TRABD2B: variants seen among roughly 807,000 people sequenced by gnomAD.
TRABD2B encodes metalloprotease TIKI2.
Under a neutral mutation model 40.1 loss-of-function variants are expected in TRABD2B, and 14 were observed. The ratio of observed to expected loss-of-function variants is 0.35; its 90% CI spans 0.23 to 0.55. The LOEUF (loss-of-function observed/expected upper bound fraction) is 0.55, where lower values mean the gene tolerates loss of function less well. Among genes scored for constraint, TRABD2B ranks in the 20% least tolerant of loss-of-function variants. The pLI, the probability that TRABD2B is intolerant of heterozygous loss-of-function variation, is 0.90. For missense variants in TRABD2B, 541 were observed against 648.6 expected (o/e 0.83, Z 1.80); for synonymous variants, 263 against 277.0 (o/e 0.95, Z 0.50).
At chr1:47,990,769 TTTTATATATATATATATATA>T (rs1361649642) in intron 2 of TRABD2B, among the ~76,000 whole-genome samples, 733 of 64,268 alleles carry the variant, frequency 0.011, 83 homozygotes, top group African/African-American at 0.018. Context: ...AAAACGTTGG[TTTTATATATATATATATATA>T]TATATATATA....
At chr1:47,931,461 A>G (rs1199753000) in intron 2 of TRABD2B, among the ~76,000 whole-genome samples, 1 of 151,990 alleles carries the variant, frequency 6.6e-6, no homozygotes, top group Admixed American at 6.5e-5. Flanking sequence ...TTCTGCAACT[A>G]CTTTGACTGA....
At position 47,876,802 on chromosome 1, in the gene TRABD2B, C is replaced by T. The variant is rs954473450; in HGVS notation, c.667-75183G>A. On this transcript the variant is annotated intron_variant, in intron 2 of 6. Coordinates refer to ENST00000606738, the MANE Select transcript of TRABD2B (RefSeq NM_001194986.2). ...TGTCTCTGTTTACTCTTTATATACGCACATACTAAGCACCAACTGTTTGCC... is the reference window on the plus strand; with the variant it reads ...TGTCTCTGTTTACTCTTTATATACGTACATACTAAGCACCAACTGTTTGCC... 5.9e-5 allele frequency among the ~76,000 whole-genome samples: 9 copies of T among 152,322 alleles called. No homozygotes were observed. In the South Asian group the frequency reaches 6.2e-4, roughly 11 times the overall value.
At chr1:47,834,577 G>A (rs111873883) in intron 2 of TRABD2B, among the ~76,000 whole-genome samples, 4,820 of 142,426 alleles carry the variant, frequency 0.034, 277 homozygotes, top group African/African-American at 0.11. Context: ...ACACACACAC[G>A]CGCACACACA....
chr1:47,882,349 CCT>C (rs745871295), intron 2 of TRABD2B, among the ~76,000 whole-genome samples: 20 of 152,214 alleles, frequency 1.3e-4, no homozygotes, highest in South Asian at 2.1e-4. Context: ...GGATCTGCCC[CCT>C]GAGTCTGATT....
At chr1:47,843,712 C>A (rs1645430320) in intron 2 of TRABD2B, among the ~76,000 whole-genome samples, 1 of 152,118 alleles carries the variant, frequency 6.6e-6, no homozygotes, top group African/African-American at 2.4e-5. Flanking sequence ...GCCAGGCAAG[C>A]AGTGAAGACA....
chr1:47,781,444 G>A (rs561318947), intron 4 of TRABD2B, among the ~76,000 whole-genome samples: 187 of 152,258 alleles, frequency 1.2e-3, no homozygotes, highest in African/African-American at 4.0e-3. Context: ...GCCTCAGCCC[G>A]GCCGATGGTG....
chr1:47,972,083 T>C (rs577178808), intron 2 of TRABD2B, among the ~76,000 whole-genome samples: 2 of 152,194 alleles, frequency 1.3e-5, no homozygotes, highest in African/African-American at 4.8e-5. Flanking sequence ...GCAAAAATAA[T>C]GCTAATTAAG....
chr1:47,775,157 C>T lies in TRABD2B; in HGVS notation c.1349+13G>A, dbSNP rs1557556451. ...CGCCCAGCTCCTGGGCAGACCTGCCCTCCCTGGCTCACCTGTCCTCGATGC... is the reference window on the plus strand; with the variant it reads ...CGCCCAGCTCCTGGGCAGACCTGCCTTCCCTGGCTCACCTGTCCTCGATGC... On this transcript the variant is annotated intron_variant, in intron 6 of 6. Coordinates refer to ENST00000606738, the MANE Select transcript of TRABD2B (RefSeq NM_001194986.2). The T allele has an allele frequency of 8.1e-7, 1 of 1,233,550 alleles. No homozygotes were observed. Among genetic ancestry groups the T allele is most frequent in the Non-Finnish European group, 1.0e-6 (1 of 988,560 alleles). The allele number at this position is 1,233,550 out of a possible 1,614,324, so 76.4% of individuals were successfully genotyped here. A position where few individuals can be genotyped will look rare whatever the true frequency, so the allele number is the denominator to read the frequency against.
At chr1:47,778,617 C>T (rs933538248) in intron 4 of TRABD2B, 73 bp from the exon 5 acceptor site, 2 of 1,139,730 alleles carry the variant, frequency 1.8e-6, no homozygotes, top group Admixed American at 2.0e-5. Context: ...CCCAGGCCAT[C>T]CCCTAAGTTT....
chr1:47,959,997 T>A (rs1008820625), intron 2 of TRABD2B, among the ~76,000 whole-genome samples: 1 of 152,032 alleles, frequency 6.6e-6, no homozygotes, highest in African/African-American at 2.4e-5. Context: ...CAGCAGCATA[T>A]CAAAAAGCTT....
At chr1:47,913,902 A>G (rs1238158595) in intron 2 of TRABD2B, among the ~76,000 whole-genome samples, 1 of 152,248 alleles carries the variant, frequency 6.6e-6, no homozygotes, top group African/African-American at 2.4e-5. Flanking sequence ...TATTGCTGCC[A>G]TTTTATAGAT....
chr1:47,863,372 T>TTTTATATATATATATATATATATATATA (rs1553159661), intron 2 of TRABD2B, among the ~76,000 whole-genome samples: 9 of 66,494 alleles, frequency 1.4e-4, no homozygotes, highest in South Asian at 3.7e-4. Flanking sequence ...CTATATAATT[T>TTTTATATATATATATATATATATATATA]TATATATATA....
In TRABD2B at chr1:47,761,488, G is replaced by A. The variant is rs896719625; in HGVS notation, c.*4414C>T. ...ATTGAAGGGGGCGCTGTGAGGGGTG[G>A]TGGTGGTTGTGGGTGGAGTGGGGAG... is the stretch of plus-strand genomic sequence containing the variant. On this transcript the variant is annotated 3_prime_UTR_variant, in exon 7 of 7. Transcript: ENST00000606738. 6.6e-6 allele frequency: 1 copy of A among 152,308 alleles called. No homozygotes were observed. Among genetic ancestry groups the A allele is most frequent in the Non-Finnish European group, 1.5e-5 (1 of 68,102 alleles). The allele number at this position is 152,308 out of a possible 1,614,324, so 9.4% of individuals were successfully genotyped here.
At chr1:47,853,594 T>A (rs1643859807) in intron 2 of TRABD2B, among the ~76,000 whole-genome samples, 1 of 152,224 alleles carries the variant, frequency 6.6e-6, no homozygotes, top group South Asian at 2.1e-4. Context: ...GCTCAGGGAC[T>A]GTGTGGAGAC....
intron 2 of TRABD2B, among the ~76,000 whole-genome samples, chr1:47,923,464 C>T (rs1325498310): frequency 6.6e-6 from 1 of 152,182 alleles, no homozygotes; most frequent in Admixed American, 6.5e-5. Context: ...CCATCCCTGA[C>T]CACTGCACAG....
At chr1:47,841,372 C>T (rs1467917103) in intron 2 of TRABD2B, among the ~76,000 whole-genome samples, 2 of 152,242 alleles carry the variant, frequency 1.3e-5, no homozygotes, top group African/African-American at 4.8e-5. Context: ...CTCCCTGCTC[C>T]CCTGGATACA....
chr1:47,974,314 C>G (rs60033553), intron 2 of TRABD2B, among the ~76,000 whole-genome samples: 10,183 of 152,036 alleles, frequency 0.067, 380 homozygotes, highest in East Asian at 0.1. Context: ...GCCTCAGGTC[C>G]TTGGCACGTG....
intron 4 of TRABD2B, among the ~76,000 whole-genome samples, chr1:47,779,375 T>C (rs1362992601): frequency 6.6e-6 from 1 of 152,102 alleles, no homozygotes; most frequent in Non-Finnish European, 1.5e-5. Context: ...TCCATGTCAG[T>C]CCCCCACTCA....
chr1:47,802,199 C>T (rs1211899034), intron 2 of TRABD2B, among the ~76,000 whole-genome samples: 1 of 152,210 alleles, frequency 6.6e-6, no homozygotes. Context: ...CGTGCCTGTG[C>T]CCAGCCAGAT....
Sources: allele counts gnomAD v4.1 joint callset (sites outside exome capture counted in the v4.1 genomes callset), GRCh38; gene constraint gnomAD v4.1.1; transcripts MANE v1.5; gene names NCBI Gene and HGNC (gene_info 2026-07-23, HGNC 2026-07-21).